The following PPP2R3A variants were observed in gnomAD, a reference collection of about 807,000 sequenced individuals.
The protein encoded by PPP2R3A is serine/threonine-protein phosphatase 2A regulatory subunit B'' subunit alpha.
Under a neutral mutation model 106.9 loss-of-function variants are expected in PPP2R3A, and 80 were observed. The observed-to-expected ratio is 0.75, with a 90% CI of 0.62 to 0.90. The LOEUF (loss-of-function observed/expected upper bound fraction) is 0.90, where lower values mean the gene tolerates loss of function less well. Ranked by LOEUF, PPP2R3A falls within the 40% of genes least tolerant of loss-of-function variation. The pLI is 0.00. For synonymous variants in PPP2R3A, 483 were observed against 468.3 expected (o/e 1.03, Z -0.41); for missense variants, 1,386 against 1,350.4 (o/e 1.03, Z -0.41).
intron 6 of PPP2R3A, among the ~76,000 whole-genome samples, chr3:136,076,810 G>A (rs1278598063): frequency 2.0e-5 from 3 of 152,192 alleles, no homozygotes; most frequent in Non-Finnish European, 4.4e-5. Context: ...AGCCGGGCAT[G>A]GTGGCGGGCA....
intron 13 of PPP2R3A, among the ~76,000 whole-genome samples, chr3:136,138,897 G>A (rs1186594697): frequency 1.3e-5 from 2 of 151,518 alleles, no homozygotes; most frequent in Non-Finnish European, 2.9e-5. Context: ...TTTTAGTAGA[G>A]ACAGGGTTTC....
At chr3:135,972,789 A>C (rs1048933041) in intron 1 of PPP2R3A, among the ~76,000 whole-genome samples, 3 of 152,082 alleles carry the variant, frequency 2.0e-5, no homozygotes, top group African/African-American at 7.2e-5. Context: ...TCAATTTTTT[A>C]ATTGGATTGT....
At chr3:135,973,784 T>TA (rs1199766294) in intron 1 of PPP2R3A, among the ~76,000 whole-genome samples, 1 of 152,210 alleles carries the variant, frequency 6.6e-6, no homozygotes, top group Non-Finnish European at 1.5e-5. Flanking sequence ...AACAAATACT[T>TA]ACTAATTTAT....
chr3:136,107,091 A>G (rs1460143907), intron 13 of PPP2R3A, among the ~76,000 whole-genome samples: 1 of 152,082 alleles, frequency 6.6e-6, no homozygotes, highest in Non-Finnish European at 1.5e-5. Flanking sequence ...CATGTTAAGA[A>G]ATTTAATTAT....
chr3:135,968,385 C>T (rs955797201), intron 1 of PPP2R3A, among the ~76,000 whole-genome samples: 3 of 152,070 alleles, frequency 2.0e-5, no homozygotes, highest in African/African-American at 4.8e-5. Flanking sequence ...GGGGAAGTGA[C>T]CTTTGAGGTG....
intron 11 of PPP2R3A, among the ~76,000 whole-genome samples, 179 bp from the exon 12 acceptor site, chr3:136,103,079 G>T (rs1167409503): frequency 2.0e-5 from 3 of 152,110 alleles, no homozygotes; most frequent in Non-Finnish European, 4.4e-5. Flanking sequence ...CTCAATAAAA[G>T]AAATGGGTTT....
At chr3:136,141,536 T>C (rs1487217533) in intron 13 of PPP2R3A, among the ~76,000 whole-genome samples, 1 of 152,084 alleles carries the variant, frequency 6.6e-6, no homozygotes, top group Non-Finnish European at 1.5e-5. Context: ...AGAACAGAAG[T>C]AGGGAGACAA....
At chr3:136,009,921 A>G (rs908911862) in intron 2 of PPP2R3A, among the ~76,000 whole-genome samples, 5 of 152,174 alleles carry the variant, frequency 3.3e-5, no homozygotes, top group Admixed American at 6.5e-5. Context: ...GCTACAGAAG[A>G]TCACACAACC....
At chr3:136,139,757 AT>A (rs1215169081) in intron 13 of PPP2R3A, among the ~76,000 whole-genome samples, 1 of 151,454 alleles carries the variant, frequency 6.6e-6, no homozygotes, top group African/African-American at 2.4e-5. Flanking sequence ...TAATCCCAAC[AT>A]TTTTGGAGGC....
intron 5 of PPP2R3A, among the ~76,000 whole-genome samples, chr3:136,067,397 A>C (rs1471404632): frequency 6.6e-6 from 1 of 152,208 alleles, no homozygotes; most frequent in African/African-American, 2.4e-5. Flanking sequence ...CCTGAGAGAC[A>C]GAAACAAAGT....
intron 9 of PPP2R3A, among the ~76,000 whole-genome samples, chr3:136,089,809 G>T (rs1937048642): frequency 6.6e-6 from 1 of 152,032 alleles, no homozygotes; most frequent in Non-Finnish European, 1.5e-5. Flanking sequence ...TCCCTGTAGA[G>T]ATTTTTCACC....
intron 6 of PPP2R3A, among the ~76,000 whole-genome samples, 162 bp from the exon 7 acceptor site, chr3:136,078,205 T>C (rs974563152): frequency 6.6e-6 from 1 of 152,232 alleles, no homozygotes; most frequent in Non-Finnish European, 1.5e-5. Context: ...TATATAGATG[T>C]AGATTTAAAA....
intron 13 of PPP2R3A, among the ~76,000 whole-genome samples, chr3:136,123,203 A>G (rs889473627): frequency 6.6e-6 from 1 of 152,200 alleles, no homozygotes; most frequent in Non-Finnish European, 1.5e-5. Context: ...AAACAAAGGT[A>G]TGGTGGGGTA....
At chr3:136,085,102 T>C (rs1051605415) in intron 8 of PPP2R3A, among the ~76,000 whole-genome samples, 2 of 152,070 alleles carry the variant, frequency 1.3e-5, no homozygotes, top group Non-Finnish European at 2.9e-5. Flanking sequence ...GGAGCCATGG[T>C]TGGAACAATA....
intron 13 of PPP2R3A, among the ~76,000 whole-genome samples, chr3:136,110,401 TAAA>T (rs551761679): frequency 6.7e-6 from 1 of 149,646 alleles, no homozygotes; most frequent in Admixed American, 6.7e-5. Context: ...AAAGTTTTAT[TAAA>T]AAAAAAATGC....
chr3:136,105,660 TA>T (rs112863492), intron 12 of PPP2R3A, among the ~76,000 whole-genome samples: 6,737 of 151,390 alleles, frequency 0.045, 522 homozygotes, highest in African/African-American at 0.15. Flanking sequence ...CTATCTCTTT[TA>T]AAAAAAAGAG....
intron 1 of PPP2R3A, among the ~76,000 whole-genome samples, chr3:135,974,577 T>C (rs1323073333): frequency 6.6e-6 from 1 of 152,194 alleles, no homozygotes; most frequent in African/African-American, 2.4e-5. Flanking sequence ...AGGGGACTTT[T>C]TTCTTCTTCC....
At chr3:136,140,941 T>G (rs551734152) in intron 13 of PPP2R3A, among the ~76,000 whole-genome samples, 1 of 152,168 alleles carries the variant, frequency 6.6e-6, no homozygotes, top group African/African-American at 2.4e-5. Context: ...CATGAATGAA[T>G]TCTGCACTCT....
At chr3:136,071,968 C>T (rs1178161870) in intron 6 of PPP2R3A, among the ~76,000 whole-genome samples, 1 of 152,104 alleles carries the variant, frequency 6.6e-6, no homozygotes, top group African/African-American at 2.4e-5. Flanking sequence ...GTGAGGCCCT[C>T]CCTGATCACT....
Sources: allele counts gnomAD v4.1 joint callset (sites outside exome capture counted in the v4.1 genomes callset), GRCh38; gene constraint gnomAD v4.1.1; transcripts MANE v1.5; gene names NCBI Gene and HGNC (gene_info 2026-07-23, HGNC 2026-07-21).